The following MAN2C1 variants were observed in gnomAD, a reference collection of about 807,000 sequenced individuals.
MAN2C1 encodes the protein alpha-mannosidase 2C1.
Under a neutral mutation model 126.9 loss-of-function variants are expected in MAN2C1, and 111 were observed. The observed-to-expected ratio is 0.87, with a 90% CI of 0.75 to 1.02. MAN2C1 has a LOEUF of 1.02. Among genes scored for constraint, MAN2C1 ranks in the 50% least tolerant of loss-of-function variants. The pLI is 0.00. For synonymous variants in MAN2C1, 567 were observed against 561.5 expected (o/e 1.01, Z -0.14); for missense variants, 1,363 against 1,364.4 (o/e 1.00, Z 0.02).
chr15:75,358,033 G>A (rs1203777610), intron 21 of MAN2C1, 168 bp downstream of exon 21: 1 of 823,492 alleles, frequency 1.2e-6, no homozygotes, highest in African/African-American at 1.7e-5. Context: ...GGAATTACAG[G>A]CGTGAGCCAC....
chr15:75,366,008 A>G, intron 4 of MAN2C1: 1 of 407,774 alleles, frequency 2.5e-6, no homozygotes. Flanking sequence ...AATCGCTTGA[A>G]CCTGGGAGGC....
intron 13 of MAN2C1, 169 bp downstream of exon 13, chr15:75,360,396 G>C: frequency 7.8e-7 from 1 of 1,281,702 alleles, no homozygotes; most frequent in Non-Finnish European, 1.1e-6. Context: ...CTTTCTTCAG[G>C]GGTTTCTGCC....
At chr15:75,357,969 G>A (rs2141326420) in intron 21 of MAN2C1, 1 of 498,742 alleles carries the variant, frequency 2.0e-6, no homozygotes. Context: ...TGGCCAGGCT[G>A]GTCTTGAACT....
At position 75,361,829 on chromosome 15, in the gene MAN2C1, G is replaced by C. The variant is rs1201934674; in HGVS notation, c.1101+26C>G. On this transcript the variant is annotated intron_variant, in intron 9 of 25. Coordinates refer to ENST00000267978, the MANE Select transcript of MAN2C1 (RefSeq NM_006715.4). The surrounding 1 kb of genome is among the most constrained non-coding windows in gnomAD (Gnocchi z 5.0). ...CGAGCGCCAGCCCCACTCGCCCACA[G>C]CCTGGTGTAGCAGCTCTCAGCCTAC... The C allele has an allele frequency of 1.2e-6, 2 of 1,609,758 alleles. No homozygotes were observed. Among genetic ancestry groups the C allele is most frequent in the East Asian group, 4.5e-5 (2 of 44,864 alleles).
rs1275066170 is a variant in MAN2C1, at chr15:75,356,446, G to A, written c.2741C>T (p.Ser914Phe). 1 of 1,598,824 alleles carries A rather than the reference G, an allele frequency of 6.3e-7. No homozygotes were observed. Among genetic ancestry groups the A allele is most frequent in the South Asian group, 1.1e-5 (1 of 88,362 alleles). The change falls in exon 24 of 26, where the codon TCT (serine) becomes TTT (phenylalanine). Residue 914 changes from serine (S) to phenylalanine (F), a missense_variant. Ser to Phe is a radical substitution (Grantham distance 155). Transcript: ENST00000267978. The surrounding 1 kb of genome is among the most constrained non-coding windows in gnomAD (Gnocchi z 5.8). ...TTGGATAACGCCAGCATCCTGGAAA[G>A]AGCCTGGGGTACGACCAGGAAACAA... is the stretch of plus-strand genomic sequence containing the variant. ...FTYALMPHKGSFQDAGVIQAA... is the reference protein window; with the variant it reads ...FTYALMPHKGFFQDAGVIQAA...
Position 75,359,090 on chromosome 15 carries a change from G to C in MAN2C1, c.2110C>G (p.Leu704Val), listed in dbSNP as rs1768847434. 1 of 1,614,026 alleles carries C rather than the reference G, an allele frequency of 6.2e-7. No homozygotes were observed. The highest frequency in any genetic ancestry group is 8.5e-7 in the Non-Finnish European group (1 of 1,180,008). The change falls in exon 18 of 26, where the codon CTG becomes GTG. Residue 704 changes from leucine (L) to valine (V), a missense_variant. By Grantham distance (32) the Leu-to-Val change is conservative. Around this residue, in one of 3 missense-constraint regions of MAN2C1, gnomAD observed 668 missense variants for 650.1 expected, o/e 1.03. Transcript: ENST00000267978. ...GAGGCCACCAGGACCAAGGACGTCA[G>C]GCGACCAGTTGGGTCCAGCTTCACT... is the stretch of plus-strand genomic sequence containing the variant. ...IRVKLDPTGR[L>V]TSLVLVASGR...
Position 75,361,631 on chromosome 15 carries a change from C to A in MAN2C1, c.1191G>T (p.Leu397Phe). The A allele has an allele frequency of 6.2e-7, 1 of 1,613,970 alleles. No homozygotes were observed. Among genetic ancestry groups the A allele is most frequent in the South Asian group, 1.1e-5 (1 of 91,062 alleles). Residue 397 changes from leucine (L) to phenylalanine (F), a missense_variant, in exon 10 of 26, where the codon TTG (leucine) becomes TTT (phenylalanine). Coordinates refer to ENST00000267978, the MANE Select transcript of MAN2C1 (RefSeq NM_006715.4). This position sits in a 1 kb window ranked among gnomAD's most constrained non-coding sequence, Gnocchi z 5.0. Reference sequence around the variant, plus strand: ...GGAAGGAGTTCACCAAATTCCAGCTCAATTTCTGGGTGAGAAAGCGCCTGA... The same window carrying A: ...GGAAGGAGTTCACCAAATTCCAGCTAAATTTCTGGGTGAGAAAGCGCCTGA... ...CGIRRFLTQKLSWNLVNSFPH... is the reference protein window; with the variant it reads ...CGIRRFLTQKFSWNLVNSFPH...
intron 16 of MAN2C1, 83 bp from the exon 17 acceptor site, chr15:75,359,508 G>A (rs1223327257): frequency 1.9e-6 from 3 of 1,557,278 alleles, no homozygotes; most frequent in African/African-American, 2.7e-5. Context: ...GGTGGAAGAT[G>A]TGCTACTACT....
At chr15:75,365,013 A>G (rs911118659) in intron 4 of MAN2C1, among the ~76,000 whole-genome samples, 2 of 152,176 alleles carry the variant, frequency 1.3e-5, no homozygotes, top group African/African-American at 4.8e-5. Context: ...CCAGGCTCAA[A>G]CTTTTAGACC....
chr15:75,368,036 G>A (rs753389514), intron 2 of MAN2C1, 37 bp downstream of exon 2: 2 of 1,581,532 alleles, frequency 1.3e-6, no homozygotes, highest in Admixed American at 1.8e-5. Context: ...ACTTCCCCTA[G>A]GCCTGTGGCC....
At chr15:75,358,069 A>G (rs1380319863) in intron 21 of MAN2C1, 132 bp downstream of exon 21, 1 of 1,124,620 alleles carries the variant, frequency 8.9e-7, no homozygotes, top group Admixed American at 2.1e-5. Context: ...TAAAGCATTT[A>G]GTGCAATGCC....
chr15:75,362,513 C>G lies in MAN2C1; in HGVS notation c.898-60G>C, dbSNP rs1277796057. Reference sequence around the variant, plus strand: ...GACAAGGGCCCCACCCAGGACTGAGCATATGGGACTCAGTGTGTGGCTGAG... The same window carrying G: ...GACAAGGGCCCCACCCAGGACTGAGGATATGGGACTCAGTGTGTGGCTGAG... On this transcript the variant is annotated intron_variant, in intron 7 of 25. Coordinates refer to ENST00000267978, the MANE Select transcript of MAN2C1 (RefSeq NM_006715.4). This position sits in a 1 kb window ranked among gnomAD's most constrained non-coding sequence, Gnocchi z 4.5. 1 of 1,519,654 alleles carries G rather than the reference C, an allele frequency of 6.6e-7. No homozygotes were observed. The highest frequency in any genetic ancestry group is 9.0e-7 in the Non-Finnish European group (1 of 1,109,996). The allele number at this position is 1,519,654 out of a possible 1,614,324, so 94.1% of individuals were successfully genotyped here. A position where few individuals can be genotyped will look rare whatever the true frequency, so the allele number is the denominator to read the frequency against.
At position 75,356,300 on chromosome 15, in the gene MAN2C1, CCTGCTTGACGGT is replaced by C; in HGVS notation, c.2875_2886del (p.Thr959_Gln962del). On this transcript the variant is annotated inframe_deletion and splice_region_variant, in exon 24 of 26. Transcript: ENST00000267978. This position sits in a 1 kb window ranked among gnomAD's most constrained non-coding sequence, Gnocchi z 5.8. ...CGTCCCCAGCACGTCCCACCCCTTGCCTGCTTGACGGTCTCCAATACGACCGCGGGTGAAGAC... is the reference window on the plus strand; with the variant it reads ...CGTCCCCAGCACGTCCCACCCCTTGCCTCCAATACGACCGCGGGTGAAGAC... 6.2e-7 allele frequency: 1 copy of C among 1,611,212 alleles called. No homozygotes were observed. The highest frequency in any genetic ancestry group is 1.7e-5 in the Admixed American group (1 of 59,656).
chr15:75,362,488 G>T lies in MAN2C1; in HGVS notation c.898-35C>A, dbSNP rs2072493588. ...GGTTGAAGGGAGCTGGGACCAGAGT[G>T]ACAAGGGCCCCACCCAGGACTGAGC... On this transcript the variant is annotated intron_variant, in intron 7 of 25. Coordinates refer to ENST00000267978, the MANE Select transcript of MAN2C1 (RefSeq NM_006715.4). This position sits in a 1 kb window ranked among gnomAD's most constrained non-coding sequence, Gnocchi z 4.5. 1 of 1,569,058 alleles carries T rather than the reference G, an allele frequency of 6.4e-7. No individual in the cohort carries two copies. Among genetic ancestry groups the T allele is most frequent in the African/African-American group, 1.4e-5 (1 of 73,878 alleles).
chr15:75,358,245 G>A lies in MAN2C1; in HGVS notation c.2503C>T (p.Arg835Ter), dbSNP rs762200191. The change falls in exon 21 of 26, where the codon CGA becomes TGA. Residue 835 changes from arginine (R) to a stop codon, truncating the protein, a stop_gained. Transcript: ENST00000267978. LOFTEE classifies it high-confidence loss of function. Reference sequence around the variant, plus strand: ...CAAGAGGTATTGTAGTGGGTAGGTCGCTGCAGGTGCCCAAACTGGATCTCA... The same window carrying A: ...CAAGAGGTATTGTAGTGGGTAGGTCACTGCAGGTGCCCAAACTGGATCTCA... ...TYEIQFGHLQ[R>*]PTHYNTSWDW... 10 of 1,614,052 alleles carry A rather than the reference G, an allele frequency of 6.2e-6. No homozygotes were observed. Among genetic ancestry groups the A allele is most frequent in the Non-Finnish European group, 7.6e-6 (9 of 1,180,048 alleles).
rs182211802 is a variant in MAN2C1 at position 75,356,020 on chromosome 15, C to G, written c.3009G>C (p.Leu1003Phe). Reference protein sequence around the residue: ...PVQEAILCDLLERPDPAGHLT... With the variant: ...PVQEAILCDLFERPDPAGHLT... ...AGTGGCCAGCAGGGTCTGGTCGCTC[C>G]AAGAGATCGCAGCTGGAGAACAGGA... Residue 1003 changes from leucine (L) to phenylalanine (F), a missense_variant, in exon 26 of 26, where the codon TTG (leucine) becomes TTC (phenylalanine). Leu to Phe is a conservative substitution (Grantham distance 22). Transcript: ENST00000267978. The surrounding 1 kb of genome is among the most constrained non-coding windows in gnomAD (Gnocchi z 5.8). 6.2e-7 allele frequency: 1 copy of G among 1,613,830 alleles called. No homozygotes were observed. Among genetic ancestry groups the G allele is most frequent in the African/African-American group, 1.3e-5 (1 of 74,920 alleles).
At chr15:75,357,309 CTTTT>C (rs766453436) in intron 21 of MAN2C1, 14 of 144,974 alleles carry the variant, frequency 9.7e-5, no homozygotes, top group Admixed American at 4.1e-4. Flanking sequence ...CCACGCCCGG[CTTTT>C]TTTTTTTTTT....
At position 75,356,923 on chromosome 15, in the gene MAN2C1, C is replaced by G. The variant is rs746065621; in HGVS notation, c.2548-21G>C. ...CACACCTGGAGGGCAGATCCAAGAC[C>G]CACTTGGTGGCCCTGTGCCCCTCTT... On this transcript the variant is annotated intron_variant, in intron 21 of 25. Transcript: ENST00000267978. The surrounding 1 kb of genome is among the most constrained non-coding windows in gnomAD (Gnocchi z 5.8). The G allele has an allele frequency of 6.3e-7, 1 of 1,599,356 alleles. No homozygotes were observed. The highest frequency in any genetic ancestry group is 1.1e-5 in the South Asian group (1 of 90,782).
intron 6 of MAN2C1, 121 bp downstream of exon 6, chr15:75,363,878 G>A (rs2072524941): frequency 9.1e-7 from 1 of 1,096,112 alleles, no homozygotes; most frequent in South Asian, 1.5e-5. Context: ...TTACAGACGG[G>A]GAAAACGCAG....
Sources: allele counts gnomAD v4.1 joint callset (sites outside exome capture counted in the v4.1 genomes callset), GRCh38; gene constraint gnomAD v4.1.1; regional missense constraint gnomAD v4.1.1; non-coding constraint Gnocchi (gnomAD v3.1); transcripts MANE v1.5; gene names NCBI Gene and HGNC (gene_info 2026-07-23, HGNC 2026-07-21).